The following COL19A1 variants were observed in gnomAD, a reference collection of about 807,000 sequenced individuals.
COL19A1 encodes collagen type XIX alpha 1 chain.
Under a neutral mutation model 190.2 loss-of-function variants are expected in COL19A1, and 159 were observed. The observed-to-expected ratio is 0.84, with a 90% CI of 0.73 to 0.95. The LOEUF (loss-of-function observed/expected upper bound fraction) is 0.95, where lower values mean the gene tolerates loss of function less well. COL19A1 is among the 40% of genes least tolerant of loss of function. The pLI, the probability that COL19A1 is intolerant of heterozygous loss-of-function variation, is 0.00. For synonymous variants in COL19A1, 509 were observed against 458.9 expected, an observed-to-expected ratio of 1.11 and a Z score of -1.39; for missense variants, 1,418 against 1,431.9, an observed-to-expected ratio of 0.99 and a Z score of 0.16.
intron 34 of COL19A1, among the ~76,000 whole-genome samples, chr6:70,157,905 A>C (rs1787543110): frequency 6.6e-6 from 1 of 152,166 alleles, no homozygotes; most frequent in South Asian, 2.1e-4. Flanking sequence ...CTCTAAGTTA[A>C]AGTCACTAGA....
Position 70,207,452 on chromosome 6 carries a change from A to AT in COL19A1, c.*184dup, listed in dbSNP as rs1248192169. 140 of 472,504 alleles carry AT rather than the reference A, an allele frequency of 3.0e-4. No individual in the cohort carries two copies. Among genetic ancestry groups the AT allele is most frequent in the African/African-American group, 2.6e-3 (127 of 48,300 alleles). 29.3% of individuals were successfully genotyped at this position (472,504 alleles called of 1,614,324 possible). A position where few individuals can be genotyped will look rare whatever the true frequency, so the allele number is the denominator to read the frequency against. On this transcript the variant is annotated 3_prime_UTR_variant, in exon 51 of 51. Transcript: ENST00000620364. ...ATTCCTATAGCAATTGCAAATCAGCATTTTTTGATTTTTCCCAAATTCATT... is the reference window on the plus strand; with the variant it reads ...ATTCCTATAGCAATTGCAAATCAGCATTTTTTTGATTTTTCCCAAATTCATT...
rs906216231 is a variant in COL19A1, at chr6:69,991,303, G to A, written c.1026+28433G>A. Among the ~76,000 whole-genome samples, 6 of 152,010 alleles carry A rather than the reference G, an allele frequency of 3.9e-5. No homozygotes were observed. The South Asian group carries it at 1.2e-3, about 31-fold the overall frequency. On this transcript the variant is annotated intron_variant, in intron 11 of 50. Coordinates refer to ENST00000620364, the MANE Select transcript of COL19A1 (RefSeq NM_001858.6). ...TTTATCCAGTCCACTTGGATGGGCA[G>A]TTAGGTTGATTCCATGTCTTTGCTA...
chr6:70,199,509 A>T, intron 48 of COL19A1, 99 bp from the exon 49 acceptor site: 1 of 987,206 alleles, frequency 1.0e-6, no homozygotes, highest in Non-Finnish European at 1.4e-6. Flanking sequence ...TAAATTAAAA[A>T]CTAAATCTTT....
chr6:70,002,506 A>G (rs770480338), intron 11 of COL19A1, among the ~76,000 whole-genome samples: 30 of 151,776 alleles, frequency 2.0e-4, no homozygotes, highest in Non-Finnish European at 4.0e-4. Flanking sequence ...TTTGGTTGGC[A>G]GGCTATTAAT....
intron 1 of COL19A1, among the ~76,000 whole-genome samples, chr6:69,871,890 C>T (rs1423200609): frequency 6.9e-6 from 1 of 145,860 alleles, no homozygotes; most frequent in Non-Finnish European, 1.5e-5. Context: ...TCTTTCGGCT[C>T]ACTGCAACCT....
chr6:70,091,816 T>G (rs750729399), intron 15 of COL19A1, among the ~76,000 whole-genome samples: 12 of 152,182 alleles, frequency 7.9e-5, no homozygotes, highest in Non-Finnish European at 1.6e-4. Flanking sequence ...CAGGAAACCC[T>G]AACCTTACTT....
At chr6:70,017,019 A>G (rs562899267) in intron 11 of COL19A1, among the ~76,000 whole-genome samples, 9 of 152,228 alleles carry the variant, frequency 5.9e-5, no homozygotes, top group African/African-American at 1.4e-4. Context: ...TTACCTAAGA[A>G]AAGTAAAAAT....
chr6:69,992,310 G>A (rs1776670887), intron 11 of COL19A1, among the ~76,000 whole-genome samples: 1 of 152,018 alleles, frequency 6.6e-6, no homozygotes, highest in South Asian at 2.1e-4. Flanking sequence ...TTTGAAGTCA[G>A]GAAGTGTGAT....
In COL19A1 at chr6:70,035,920, C is replaced by G; in HGVS notation, c.1151C>G (p.Pro384Arg). The G allele has an allele frequency of 6.2e-7, 1 of 1,613,468 alleles. No homozygotes were observed. Among genetic ancestry groups the G allele is most frequent in the Non-Finnish European group, 8.5e-7 (1 of 1,179,492 alleles). The change falls in exon 14 of 51, where the codon CCA becomes CGA. Residue 384 changes from proline to arginine, a missense_variant. Transcript: ENST00000620364. ...CTATTTTAGGGAGATACAGGACCCCCAGGACCACCAGCCTTACCTGTAAGT... is the reference window on the plus strand; with the variant it reads ...CTATTTTAGGGAGATACAGGACCCCGAGGACCACCAGCCTTACCTGTAAGT... ...PKGEKGDTGP[P>R]GPPALPGSLG...
intron 9 of COL19A1, 22 bp from the exon 10 acceptor site, chr6:69,959,974 T>C: frequency 1.2e-6 from 2 of 1,609,900 alleles, no homozygotes; most frequent in Non-Finnish European, 1.7e-6. Flanking sequence ...ATCATAAACA[T>C]TATTCTGTGT....
chr6:69,939,400 T>C (rs1331291842), intron 9 of COL19A1, among the ~76,000 whole-genome samples: 1 of 152,038 alleles, frequency 6.6e-6, no homozygotes, highest in Non-Finnish European at 1.5e-5. Context: ...TCACTCTTCA[T>C]GTTAGGGATT....
At chr6:70,007,732 T>A (rs995034481) in intron 11 of COL19A1, among the ~76,000 whole-genome samples, 1 of 152,004 alleles carries the variant, frequency 6.6e-6, no homozygotes, top group African/African-American at 2.4e-5. Context: ...TCATCTGAAC[T>A]GACATTCATA....
At chr6:70,062,942 A>T (rs1022471107) in intron 14 of COL19A1, among the ~76,000 whole-genome samples, 1 of 152,168 alleles carries the variant, frequency 6.6e-6, no homozygotes, top group Non-Finnish European at 1.5e-5. Flanking sequence ...TATCCTAAAT[A>T]TATATGCACC....
intron 4 of COL19A1, among the ~76,000 whole-genome samples, chr6:69,920,645 A>C (rs1335780992): frequency 6.6e-6 from 1 of 151,916 alleles, no homozygotes; most frequent in Non-Finnish European, 1.5e-5. Flanking sequence ...TTTATATTGA[A>C]CATTTTGTTA....
intron 2 of COL19A1, chr6:69,889,956 C>T (rs1252364815): frequency 6.6e-6 from 1 of 152,348 alleles, no homozygotes; most frequent in African/African-American, 2.4e-5. Flanking sequence ...TCCACACCAC[C>T]TTTAAGAGCT....
intron 9 of COL19A1, 102 bp from the exon 10 acceptor site, chr6:69,959,894 A>G: frequency 3.1e-6 from 3 of 971,780 alleles, no homozygotes; most frequent in Non-Finnish European, 4.6e-6. Flanking sequence ...GTATTAGGCT[A>G]CCTTTCCCCA....
chr6:69,935,400 A>G (rs1255589915), intron 7 of COL19A1, among the ~76,000 whole-genome samples: 1 of 152,046 alleles, frequency 6.6e-6, no homozygotes, highest in African/African-American at 2.4e-5. Context: ...CCAGAGCAGA[A>G]TTGTGAATTC....
At chr6:69,992,522 TG>T (rs1156271029) in intron 11 of COL19A1, among the ~76,000 whole-genome samples, 2 of 152,142 alleles carry the variant, frequency 1.3e-5, no homozygotes, top group Non-Finnish European at 2.9e-5. Context: ...GAAATAGCAT[TG>T]AATCTATAAA....
At chr6:69,879,425 G>T (rs1768353577) in intron 1 of COL19A1, 111 bp from the exon 2 acceptor site, 2 of 627,292 alleles carry the variant, frequency 3.2e-6, no homozygotes, top group South Asian at 2.0e-5. Context: ...CCTGTTATAT[G>T]ATGATATATG....
Sources: allele counts gnomAD v4.1 joint callset (sites outside exome capture counted in the v4.1 genomes callset), GRCh38; gene constraint gnomAD v4.1.1; transcripts MANE v1.5; gene names NCBI Gene and HGNC (gene_info 2026-07-23, HGNC 2026-07-21).